Variants in ATP8A1 observed in about 807,000 individuals in gnomAD.
ATP8A1 encodes the protein phospholipid-transporting ATPase IA.
ATP8A1 carries 90 observed loss-of-function variants against 177.7 expected under a neutral mutation model. The ratio of observed to expected loss-of-function variants is 0.51; its 90% CI spans 0.43 to 0.60. The LOEUF is 0.60. ATP8A1 is among the 20% of genes least tolerant of loss of function. The pLI is 0.00. For synonymous variants in ATP8A1, 493 were observed against 485.9 expected (o/e 1.01, Z -0.19); for missense variants, 1,072 against 1,392.8 (o/e 0.77, Z 3.67).
intron 20 of ATP8A1, among the ~76,000 whole-genome samples, chr4:42,533,758 T>C (rs1727505898): frequency 6.6e-6 from 1 of 152,080 alleles, no homozygotes; most frequent in African/African-American, 2.4e-5. Context: ...AAGGACCCTC[T>C]CCAAGTCTAC....
intron 12 of ATP8A1, 115 bp from the exon 13 acceptor site, chr4:42,575,814 A>G: frequency 2.4e-6 from 2 of 834,706 alleles, no homozygotes; most frequent in Non-Finnish European, 3.9e-6. Flanking sequence ...TTGATGAACT[A>G]TATGTAGGCA....
chr4:42,558,777 TA>T (rs1329941927), intron 15 of ATP8A1, among the ~76,000 whole-genome samples: 7 of 152,132 alleles, frequency 4.6e-5, no homozygotes, highest in Non-Finnish European at 8.8e-5. Context: ...AACATTTTTT[TA>T]AAAAAAACTT....
chr4:42,544,955 T>A (rs188075608), intron 19 of ATP8A1, among the ~76,000 whole-genome samples: 20 of 151,688 alleles, frequency 1.3e-4, no homozygotes, highest in Admixed American at 6.6e-4. Flanking sequence ...AGGTCAGGAG[T>A]TCGAGATCAG....
intron 33 of ATP8A1, among the ~76,000 whole-genome samples, chr4:42,437,020 A>G (rs1396748117): frequency 6.6e-6 from 1 of 152,342 alleles, no homozygotes; most frequent in Non-Finnish European, 1.5e-5. Flanking sequence ...ACAAACCTCA[A>G]TCAAGAGATC....
chr4:42,572,091 A>G (rs572989486), intron 14 of ATP8A1, among the ~76,000 whole-genome samples: 1 of 152,316 alleles, frequency 6.6e-6, no homozygotes, highest in South Asian at 2.1e-4. Context: ...CACTGAGGCA[A>G]AATCAGCTCT....
chr4:42,547,143 T>C (rs1729016434), intron 19 of ATP8A1, among the ~76,000 whole-genome samples: 1 of 152,176 alleles, frequency 6.6e-6, no homozygotes, highest in Non-Finnish European at 1.5e-5. Flanking sequence ...ATCTAAAACC[T>C]AAGACTTCAA....
At chr4:42,557,608 T>C (rs771064948) in intron 15 of ATP8A1, among the ~76,000 whole-genome samples, 47 of 152,232 alleles carry the variant, frequency 3.1e-4, no homozygotes, top group Non-Finnish European at 4.8e-4. Flanking sequence ...AACATATTTA[T>C]ATTTGAGTAG....
chr4:42,471,979 A>C, intron 25 of ATP8A1: 2 of 710,920 alleles, frequency 2.8e-6, no homozygotes, highest in Non-Finnish European at 5.4e-6. Context: ...GGTGGTGTCC[A>C]GAAAGCTATC....
At position 42,602,286 on chromosome 4, in the gene ATP8A1, T is replaced by A. The variant is rs76400878; in HGVS notation, c.410-1768A>T. On this transcript the variant is annotated intron_variant, in intron 5 of 36. Coordinates refer to ENST00000381668, the MANE Select transcript of ATP8A1 (RefSeq NM_006095.2). ...TGGATCCTGAAACACAAGACTCTAA[T>A]GCCTGCAGAGCTCACCCAAACTGAT... Among the ~76,000 whole-genome samples, 441 of 152,282 alleles carry A rather than the reference T, an allele frequency of 2.9e-3. 5 individuals are homozygous for A. Among genetic ancestry groups the A allele is most frequent in the African/African-American group, 0.01 (419 of 41,556 alleles).
chr4:42,581,767 T>C lies in ATP8A1; in HGVS notation c.723-35A>G, dbSNP rs747566399. 2.7e-6 allele frequency: 4 copies of C among 1,503,632 alleles called. No individual in the cohort carries two copies. The South Asian group carries it at 4.6e-5, about 17-fold the overall frequency. 93.1% of individuals were successfully genotyped at this position (1,503,632 alleles called of 1,614,324 possible). On this transcript the variant is annotated intron_variant, in intron 9 of 36. Coordinates refer to ENST00000381668, the MANE Select transcript of ATP8A1 (RefSeq NM_006095.2). ...ATTACGTTGACATTAGAAACAGTAT[T>C]TTCTAAAATGCTTAAGAACTCTAGT...
At chr4:42,620,627 G>A (rs1266457080) in intron 4 of ATP8A1, among the ~76,000 whole-genome samples, 1 of 152,150 alleles carries the variant, frequency 6.6e-6, no homozygotes, top group African/African-American at 2.4e-5. Flanking sequence ...TGCCTTGTTT[G>A]GATTCTGACA....
At chr4:42,451,563 C>A (rs1200795715) in intron 30 of ATP8A1, among the ~76,000 whole-genome samples, 1 of 152,066 alleles carries the variant, frequency 6.6e-6, no homozygotes, top group Non-Finnish European at 1.5e-5. Flanking sequence ...ATATTAAAAA[C>A]CTCATCCAAA....
At chr4:42,516,597 T>C (rs1204869538) in intron 22 of ATP8A1, among the ~76,000 whole-genome samples, 1 of 152,250 alleles carries the variant, frequency 6.6e-6, no homozygotes. Flanking sequence ...ACTAAAGACA[T>C]AATTGTATTT....
chr4:42,643,557 C>G (rs1740219796), intron 1 of ATP8A1, among the ~76,000 whole-genome samples: 1 of 152,122 alleles, frequency 6.6e-6, no homozygotes, highest in African/African-American at 2.4e-5. Context: ...TAGTTATATT[C>G]TGAATCTTGA....
At chr4:42,493,968 G>A (rs1442354915) in intron 24 of ATP8A1, among the ~76,000 whole-genome samples, 2 of 151,904 alleles carry the variant, frequency 1.3e-5, no homozygotes, top group South Asian at 2.1e-4. Flanking sequence ...TTGGGAGGCC[G>A]AGGAAGGCAG....
At chr4:42,593,887 T>C (rs1379756296) in intron 6 of ATP8A1, among the ~76,000 whole-genome samples, 2 of 152,026 alleles carry the variant, frequency 1.3e-5, no homozygotes, top group East Asian at 1.9e-4. Context: ...CATTTTTTTA[T>C]ACCATTCCAT....
intron 25 of ATP8A1, among the ~76,000 whole-genome samples, chr4:42,476,244 C>T (rs1215086767): frequency 6.6e-6 from 1 of 152,018 alleles, no homozygotes; most frequent in Non-Finnish European, 1.5e-5. Flanking sequence ...CAAAGGATCC[C>T]CCCTCCTTCC....
rs1352972960 is a variant in ATP8A1 at position 42,575,608 on chromosome 4, T to C, written c.1206+14A>G. The stretch of plus-strand genomic sequence containing the variant: ...TTTTAATTCCACACATAATCAACAA[T>C]AAATTGAGTTTACCTGGCCAAGTTC... On this transcript the variant is annotated intron_variant, in intron 13 of 36. Transcript: ENST00000381668. The C allele has an allele frequency of 6.2e-7, 1 of 1,609,746 alleles. No homozygotes were observed. The highest frequency in any genetic ancestry group is 8.5e-7 in the Non-Finnish European group (1 of 1,176,474).
chr4:42,648,788 TAAAC>T (rs1290587048), intron 1 of ATP8A1, among the ~76,000 whole-genome samples: 1 of 152,128 alleles, frequency 6.6e-6, no homozygotes, highest in African/African-American at 2.4e-5. Context: ...CAAAACTTGA[TAAAC>T]AATTCAGAAA....
Sources: gnomAD v4.1 joint callset for allele counts (sites outside exome capture counted in the v4.1 genomes callset) on GRCh38, gnomAD v4.1.1 for gene constraint, MANE v1.5 for transcripts, NCBI Gene and HGNC (gene_info 2026-07-23, HGNC 2026-07-21) for gene names.